Variants in SCEL observed in about 807,000 individuals in gnomAD.
SCEL encodes the protein sciellin.
In SCEL, 113 loss-of-function variants were observed where a neutral mutation model predicts 117.6. The ratio of observed to expected loss-of-function variants is 0.96; its 90% confidence interval spans 0.83 to 1.12. The LOEUF is 1.12. Among genes scored for constraint, SCEL ranks in the 50% most tolerant of loss-of-function variants. The probability of loss-of-function intolerance (pLI) is 0.00; values close to 1 mark genes in which losing one functional copy is unlikely to be tolerated. For synonymous variants in SCEL, 270 were observed against 256.2 expected, an observed-to-expected ratio of 1.05 and a Z score of -0.51; for missense variants, 785 against 810.8, an observed-to-expected ratio of 0.97 and a Z score of 0.39.
Position 77,617,848 on chromosome 13 carries a change from C to A in SCEL, c.1557C>A (p.Ile519=). 6.2e-7 allele frequency: 1 copy of A among 1,610,098 alleles called. No homozygotes were observed. Among genetic ancestry groups the A allele is most frequent in the South Asian group, 1.1e-5 (1 of 90,784 alleles). ...TCATCAAAGTAAATCCTGCAGTAAT[C>A]AGAAACAATCAGAGGTATATATAGA... ...ANLIKVNPAV[I]RNNQSQDLDN... is the part of the protein sequence containing the mutation. Residue 519 remains isoleucine (I), a synonymous_variant, in exon 26 of 33, where the codon ATC becomes ATA. Coordinates refer to ENST00000349847, the MANE Select transcript of SCEL (RefSeq NM_144777.3).
In SCEL at chr13:77,572,208, G is replaced by A; in HGVS notation, c.545+19G>A. On this transcript the variant is annotated intron_variant, in intron 9 of 32. Transcript: ENST00000349847. The stretch of plus-strand genomic sequence containing the variant: ...GGAGACGGTAAGGGAAAGGTGTCAG[G>A]CGTAATTGCTGTGCCATTAGATGGA... 2 of 1,574,082 alleles carry A rather than the reference G, an allele frequency of 1.3e-6. No individual in the cohort carries two copies. Among genetic ancestry groups the A allele is most frequent in the Admixed American group, 1.7e-5 (1 of 59,432 alleles).
At chr13:77,618,169 C>T (rs981134178) in intron 27 of SCEL, 109 bp downstream of exon 27, 9 of 818,536 alleles carry the variant, frequency 1.1e-5, no homozygotes, top group Non-Finnish European at 1.7e-5. Flanking sequence ...TCCTTTCCTC[C>T]CTTCCTCCCT....
intron 10 of SCEL, among the ~76,000 whole-genome samples, chr13:77,590,981 T>C (rs539164047): frequency 2.6e-5 from 4 of 152,256 alleles, no homozygotes; most frequent in African/African-American, 9.6e-5. Context: ...TCCCACCTTT[T>C]ATGAACAAAT....
At chr13:77,620,983 G>A (rs2089380199) in intron 27 of SCEL, among the ~76,000 whole-genome samples, 1 of 151,958 alleles carries the variant, frequency 6.6e-6, no homozygotes, top group Admixed American at 6.6e-5. Context: ...ACGCTTTCTG[G>A]TGTTTCATTC....
intron 9 of SCEL, among the ~76,000 whole-genome samples, chr13:77,587,185 T>C (rs2154399637): frequency 6.6e-6 from 1 of 152,154 alleles, no homozygotes; most frequent in East Asian, 1.9e-4. Context: ...AAAGAGAACC[T>C]TCCTCACTCT....
intron 9 of SCEL, among the ~76,000 whole-genome samples, chr13:77,575,543 G>A (rs1405127477): frequency 6.6e-6 from 1 of 152,148 alleles, no homozygotes; most frequent in Non-Finnish European, 1.5e-5. Context: ...CATTAGTTAT[G>A]CAATAAGAGA....
At chr13:77,580,990 TTC>T (rs1311664438) in intron 9 of SCEL, among the ~76,000 whole-genome samples, 1 of 152,160 alleles carries the variant, frequency 6.6e-6, no homozygotes, top group East Asian at 1.9e-4. Flanking sequence ...AGTTATATTT[TTC>T]TGTCTGTAAC....
At chr13:77,539,745 A>G (rs1050518111) in intron 1 of SCEL, among the ~76,000 whole-genome samples, 2 of 152,100 alleles carry the variant, frequency 1.3e-5, no homozygotes, top group Non-Finnish European at 2.9e-5. Flanking sequence ...AGTGTTAGCC[A>G]GGATGGTCTC....
rs563677302 is a variant in SCEL, at chr13:77,607,660, T to C, written c.1158-396T>C. 3.3e-5 allele frequency among the ~76,000 whole-genome samples: 5 copies of C among 152,352 alleles called. No homozygotes were observed. In the East Asian group the frequency reaches 9.6e-4, roughly 29 times the overall value. ...CCAAAGCTGGTTTTAAAGTTCTACA[T>C]GTTGGAGGTTGATAAAGAGTATGCC... is the stretch of plus-strand genomic sequence containing the variant. On this transcript the variant is annotated intron_variant, in intron 19 of 32. Coordinates refer to ENST00000349847, the MANE Select transcript of SCEL (RefSeq NM_144777.3).
intron 1 of SCEL, among the ~76,000 whole-genome samples, chr13:77,536,127 C>A (rs1056922161): frequency 6.6e-6 from 1 of 152,030 alleles, no homozygotes; most frequent in African/African-American, 2.4e-5. Context: ...ATAATAAATT[C>A]TTTAAGTGAA....
intron 5 of SCEL, among the ~76,000 whole-genome samples, chr13:77,566,876 A>G (rs943229198): frequency 1.3e-5 from 2 of 152,168 alleles, no homozygotes; most frequent in African/African-American, 2.4e-5. Flanking sequence ...ATCTGCCCAC[A>G]CTCTTTAGTC....
At chr13:77,638,852 C>T (rs1487760344) in intron 30 of SCEL, among the ~76,000 whole-genome samples, 1 of 152,068 alleles carries the variant, frequency 6.6e-6, no homozygotes, top group Non-Finnish European at 1.5e-5. Context: ...GTTCACTCTG[C>T]TTGGAATTCC....
At chr13:77,638,246 T>C (rs2090397683) in intron 30 of SCEL, among the ~76,000 whole-genome samples, 1 of 152,224 alleles carries the variant, frequency 6.6e-6, no homozygotes, top group South Asian at 2.1e-4. Flanking sequence ...TATCCCTTTC[T>C]TGTCACTTTT....
At chr13:77,563,775 CT>C (rs531865141) in intron 4 of SCEL, 55 bp from the exon 5 acceptor site, 528 of 1,330,096 alleles carry the variant, frequency 4.0e-4, no homozygotes, top group Admixed American at 6.1e-4. Flanking sequence ...GTTTTATAAA[CT>C]TTTTTTTTGT....
chr13:77,568,388 A>G, intron 7 of SCEL, 55 bp downstream of exon 7: 1 of 1,154,454 alleles, frequency 8.7e-7, no homozygotes, highest in Non-Finnish European at 1.3e-6. Context: ...AAGAAAAACC[A>G]GGGAAAACCA....
At chr13:77,541,684 A>G (rs1035676733) in intron 1 of SCEL, among the ~76,000 whole-genome samples, 3 of 152,230 alleles carry the variant, frequency 2.0e-5, no homozygotes, top group Non-Finnish European at 2.9e-5. Context: ...AGAAAATTAC[A>G]GTGATTGATT....
At position 77,637,413 on chromosome 13, in the gene SCEL, A is replaced by AAT. The variant is rs3039404; in HGVS notation, c.1838+236_1838+237dup. Among the ~76,000 whole-genome samples, 1,013 of 109,100 alleles carry AAT rather than the reference A, an allele frequency of 9.3e-3. 26 individuals carry two copies. The highest frequency in any genetic ancestry group is 0.036 in the African/African-American group (967 of 26,510). 71.6% of individuals were successfully genotyped at this position (109,100 alleles called of 152,430 possible). A position where few individuals can be genotyped will look rare whatever the true frequency, so the allele number is the denominator to read the frequency against. On this transcript the variant is annotated intron_variant, in intron 30 of 32. Coordinates refer to ENST00000349847, the MANE Select transcript of SCEL (RefSeq NM_144777.3). The stretch of plus-strand genomic sequence containing the variant: ...ATAAATATATATACATATATAAATA[A>AAT]ATATATATATATATATATTTCTTGC...
intron 1 of SCEL, among the ~76,000 whole-genome samples, chr13:77,550,742 C>G (rs777183211): frequency 7.9e-5 from 12 of 152,142 alleles, no homozygotes; most frequent in Non-Finnish European, 1.5e-4. Flanking sequence ...ACAGAGATGC[C>G]ATGCTGTGTA....
chr13:77,567,629 G>A (rs1362602621), intron 5 of SCEL, 51 bp from the exon 6 acceptor site: 5 of 1,310,788 alleles, frequency 3.8e-6, no homozygotes, highest in Admixed American at 1.7e-5. Context: ...TCTGAAAGGA[G>A]TTTGATAATT....
Sources: allele counts gnomAD v4.1 joint callset (sites outside exome capture counted in the v4.1 genomes callset), GRCh38; gene constraint gnomAD v4.1.1; transcripts MANE v1.5; gene names NCBI Gene and HGNC (gene_info 2026-07-23, HGNC 2026-07-21).